GRM7: variants seen among roughly 807,000 people sequenced by gnomAD.
The protein encoded by GRM7 is metabotropic glutamate receptor 7.
GRM7 carries 35 observed loss-of-function variants against 84.5 expected under a neutral mutation model. That is an observed-to-expected ratio of 0.41 (90% CI 0.32 to 0.55). GRM7 has a LOEUF of 0.55. Ranked by LOEUF, GRM7 falls within the 20% of genes least tolerant of loss-of-function variation. The probability of loss-of-function intolerance (pLI) is 0.19; values close to 1 mark genes in which losing one functional copy is unlikely to be tolerated. For synonymous variants in GRM7, 487 were observed against 455.1 expected (o/e 1.07, Z -0.89); for missense variants, 1,003 against 1,194.6 (o/e 0.84, Z 2.36).
chr3:7,361,754 T>A (rs1693674613), intron 4 of GRM7, among the ~76,000 whole-genome samples: 1 of 152,068 alleles, frequency 6.6e-6, no homozygotes, highest in African/African-American at 2.4e-5. Context: ...AGACAGAAAG[T>A]GAAGCAGCTC....
Position 7,740,360 on chromosome 3 carries a change from C to A in GRM7, c.2702C>A (p.Pro901His). 5 of 1,582,340 alleles carry A rather than the reference C, an allele frequency of 3.2e-6. No homozygotes were observed. The highest frequency in any genetic ancestry group is 4.3e-6 in the Non-Finnish European group (5 of 1,156,914). ...CACTTTCTAATTTTTCTTTCAGGCC[C>A]TGCTGCAAAAAAGAAGTATGTCAGT... Reference protein sequence around the residue: ...ELCENVDPNSPAAKKKYVSYN... With the variant: ...ELCENVDPNSHAAKKKYVSYN... The change falls in exon 10 of 10, where the codon CCT (proline) becomes CAT (histidine). Residue 901 changes from proline (P) to histidine (H), a missense_variant. Transcript: ENST00000357716.
intron 5 of GRM7, among the ~76,000 whole-genome samples, chr3:7,445,916 C>G (rs56238022): frequency 1.1e-3 from 174 of 152,220 alleles, no homozygotes; most frequent in African/African-American, 4.1e-3. Context: ...CTGTAACACT[C>G]CAGGATATTC....
chr3:7,072,558 A>G (rs1311126835), intron 1 of GRM7, among the ~76,000 whole-genome samples: 1 of 151,904 alleles, frequency 6.6e-6, no homozygotes, highest in Non-Finnish European at 1.5e-5. Flanking sequence ...GTGGTGGTGC[A>G]TACCTGCAGT....
chr3:7,170,789 T>C (rs1391926247), intron 2 of GRM7, among the ~76,000 whole-genome samples: 3 of 152,160 alleles, frequency 2.0e-5, no homozygotes, highest in African/African-American at 7.2e-5. Context: ...GGGAAAAAGA[T>C]TGAGTTACAA....
intron 1 of GRM7, among the ~76,000 whole-genome samples, chr3:7,010,147 T>C (rs555212490): frequency 4.1e-4 from 62 of 152,248 alleles, no homozygotes; most frequent in Non-Finnish European, 7.8e-4. Flanking sequence ...AAGGGGAGAT[T>C]CTGGGCCGGG....
At chr3:7,120,516 T>C (rs1693181710) in intron 1 of GRM7, among the ~76,000 whole-genome samples, 1 of 152,194 alleles carries the variant, frequency 6.6e-6, no homozygotes, top group African/African-American at 2.4e-5. Context: ...GCATTTATAC[T>C]TTCTTGTGAA....
At chr3:7,619,702 G>T (rs1371144054) in intron 8 of GRM7, among the ~76,000 whole-genome samples, 1 of 152,094 alleles carries the variant, frequency 6.6e-6, no homozygotes, top group African/African-American at 2.4e-5. Flanking sequence ...GCTAGATTCA[G>T]TGTGGGGTGC....
intron 4 of GRM7, among the ~76,000 whole-genome samples, chr3:7,319,319 G>A (rs1044944251): frequency 6.6e-6 from 1 of 151,952 alleles, no homozygotes; most frequent in East Asian, 1.9e-4. Context: ...AGGGTGGAAG[G>A]GTTCATTTAA....
chr3:7,322,029 A>T (rs913213535), intron 4 of GRM7, among the ~76,000 whole-genome samples: 1 of 152,136 alleles, frequency 6.6e-6, no homozygotes, highest in Non-Finnish European at 1.5e-5. Flanking sequence ...ATGGTAAAAT[A>T]AAAACAGGAT....
chr3:7,060,720 A>G (rs1278927418), intron 1 of GRM7, among the ~76,000 whole-genome samples: 1 of 141,078 alleles, frequency 7.1e-6, no homozygotes, highest in African/African-American at 2.8e-5. Flanking sequence ...AAATAAATGC[A>G]TGTTTCTTTA....
chr3:7,482,399 A>C (rs1445901172), intron 7 of GRM7, among the ~76,000 whole-genome samples: 7 of 152,176 alleles, frequency 4.6e-5, no homozygotes. Context: ...AGCTGCAGAT[A>C]GGAGGAAAAA....
intron 4 of GRM7, among the ~76,000 whole-genome samples, chr3:7,360,135 CTCTG>C (rs1249561864): frequency 2.9e-5 from 3 of 102,950 alleles, no homozygotes; most frequent in African/African-American, 1.3e-4. Flanking sequence ...TTTTTTTTCC[CTCTG>C]TGTGTGTGTG....
At chr3:6,926,182 A>G (rs1388196320) in intron 1 of GRM7, among the ~76,000 whole-genome samples, 5 of 152,220 alleles carry the variant, frequency 3.3e-5, no homozygotes, top group African/African-American at 1.2e-4. Flanking sequence ...AGAATAGCAT[A>G]AAGAAAAACA....
chr3:7,444,669 G>T (rs764796586), intron 5 of GRM7, among the ~76,000 whole-genome samples: 2 of 152,052 alleles, frequency 1.3e-5, no homozygotes, highest in Non-Finnish European at 2.9e-5. Context: ...CTCAGTCCCT[G>T]TGTGCATTGT....
At chr3:7,681,825 G>A (rs1356728511) in intron 9 of GRM7, 1 of 152,126 alleles carries the variant, frequency 6.6e-6, no homozygotes, top group Non-Finnish European at 1.5e-5. Context: ...ACATAATTAT[G>A]TATAAAAGAG....
intron 8 of GRM7, among the ~76,000 whole-genome samples, chr3:7,612,187 T>C (rs1021465881): frequency 1.2e-4 from 19 of 152,162 alleles, no homozygotes; most frequent in African/African-American, 4.3e-4. Flanking sequence ...AGAGCCAGAT[T>C]CCAAAGGCAT....
chr3:7,623,682 C>T (rs190187314), intron 8 of GRM7, among the ~76,000 whole-genome samples: 33 of 152,220 alleles, frequency 2.2e-4, no homozygotes, highest in African/African-American at 6.3e-4. Flanking sequence ...GGAGGGGACA[C>T]CAAGCATGAC....
At chr3:7,740,148 G>T (rs1575688257) in intron 9 of GRM7, among the ~76,000 whole-genome samples, 1 of 152,150 alleles carries the variant, frequency 6.6e-6, no homozygotes, top group Non-Finnish European at 1.5e-5. Flanking sequence ...TCAGAGAAGA[G>T]AACGCAATTG....
intron 6 of GRM7, among the ~76,000 whole-genome samples, chr3:7,459,483 G>A (rs1160154088): frequency 1.3e-5 from 2 of 152,020 alleles, no homozygotes; most frequent in Admixed American, 6.6e-5. Context: ...AGAAAAGGGG[G>A]TTTAATGGAC....
Sources: gnomAD v4.1 joint callset for allele counts (sites outside exome capture counted in the v4.1 genomes callset) on GRCh38, gnomAD v4.1.1 for gene constraint, MANE v1.5 for transcripts, NCBI Gene and HGNC (gene_info 2026-07-23, HGNC 2026-07-21) for gene names.